Variants in OR1J2 observed in about 807,000 individuals in gnomAD.
The protein encoded by OR1J2 is olfactory receptor 1J2.
For synonymous variants in OR1J2, 142 were observed against 99.7 expected (o/e 1.42, Z -2.52); for missense variants, 304 against 246.1 (o/e 1.24, Z -1.57).
chr9:122,571,736 C>G, the OR1J2 span, among the ~76,000 whole-genome samples: 3 of 151,162 alleles, frequency 2.0e-5, no homozygotes, highest in Admixed American at 2.0e-4. Flanking sequence ...AAAAATTGAC[C>G]ATGCATGGTG....
the OR1J2 span, among the ~76,000 whole-genome samples, chr9:122,538,734 T>G: frequency 6.6e-6 from 1 of 152,236 alleles, no homozygotes; most frequent in Non-Finnish European, 1.5e-5. Flanking sequence ...AATGAAATCA[T>G]GTCCTTTGCA....
the OR1J2 span, among the ~76,000 whole-genome samples, chr9:122,454,501 G>A: frequency 6.6e-6 from 1 of 151,782 alleles, no homozygotes; most frequent in South Asian, 2.1e-4. Flanking sequence ...CTGGGTGACA[G>A]AGTGAGACTC....
At position 122,511,251 on chromosome 9, in the gene OR1J2, T is replaced by G. The variant is rs760091344; in HGVS notation, c.450T>G (p.Ile150Met). ...LCVFLVAVSW[I>M]LSCASSLSHT... ...TCTTCTTAGTGGCTGTATCTTGGAT[T>G]CTGTCTTGTGCCAGCTCCCTCTCTC... is the stretch of plus-strand genomic sequence containing the variant. The change falls in exon 1 of 1, where the codon ATT becomes ATG. Residue 150 changes from isoleucine (I) to methionine (M), a missense_variant. Ile to Met is a conservative substitution (Grantham distance 10, BLOSUM62 1). Coordinates refer to ENST00000335302, the MANE Select transcript of OR1J2 (RefSeq NM_054107.1). 1 of 757,550 alleles carries G rather than the reference T, an allele frequency of 1.3e-6. No individual in the cohort carries two copies. Among genetic ancestry groups the G allele is most frequent in the Non-Finnish European group, 2.5e-6 (1 of 407,848 alleles). 46.9% of individuals were successfully genotyped at this position (757,550 alleles called of 1,614,324 possible).
chr9:122,531,532 C>T, the OR1J2 span, among the ~76,000 whole-genome samples: 3 of 152,148 alleles, frequency 2.0e-5, no homozygotes, highest in Non-Finnish European at 4.4e-5. Flanking sequence ...AGCGTCTATA[C>T]AGGAGCTCAA....
At chr9:122,510,712 T>C, upstream of OR1J2, 1 of 804,994 alleles carries the variant, frequency 1.2e-6, no homozygotes, top group Non-Finnish European at 2.0e-6. Flanking sequence ...TGTTAAAACG[T>C]ACATCTTTTA....
downstream of OR1J2, among the ~76,000 whole-genome samples, chr9:122,513,054 T>A (rs1046910158): frequency 6.6e-6 from 1 of 152,210 alleles, no homozygotes; most frequent in Non-Finnish European, 1.5e-5. Flanking sequence ...ATTGAACAAT[T>A]TTATGTTAAA....
the OR1J2 span, among the ~76,000 whole-genome samples, chr9:122,449,665 G>A: frequency 1.8e-3 from 272 of 152,232 alleles, no homozygotes; most frequent in African/African-American, 5.9e-3. Context: ...CACCGCGCCC[G>A]GCCTATGAGA....
chr9:122,577,327 C>G, the OR1J2 span, among the ~76,000 whole-genome samples: 1 of 152,150 alleles, frequency 6.6e-6, no homozygotes, highest in Non-Finnish European at 1.5e-5. Flanking sequence ...TGTAGGCAGA[C>G]TTCAAATTTA....
At chr9:122,515,703 A>G (rs1564184987), downstream of OR1J2, among the ~76,000 whole-genome samples, 1 of 152,156 alleles carries the variant, frequency 6.6e-6, no homozygotes, top group Non-Finnish European at 1.5e-5. Flanking sequence ...CCCTTTAGAC[A>G]GCACAGCTAC....
the OR1J2 span, among the ~76,000 whole-genome samples, chr9:122,541,360 G>A: frequency 5.5e-4 from 83 of 152,276 alleles, no homozygotes; most frequent in Middle Eastern, 0.017. Flanking sequence ...CTCTCGACTT[G>A]AGAGTGAAAG....
chr9:122,533,292 A>G, the OR1J2 span, among the ~76,000 whole-genome samples: 1 of 152,194 alleles, frequency 6.6e-6, no homozygotes, highest in Non-Finnish European at 1.5e-5. Flanking sequence ...GGGAATTTTA[A>G]GGAGAGTTTA....
the OR1J2 span, among the ~76,000 whole-genome samples, chr9:122,454,381 G>A: frequency 0.018 from 2,670 of 152,120 alleles, 82 homozygotes; most frequent in African/African-American, 0.061. Context: ...AGTCAGGTGC[G>A]GTGGCATCTG....
At chr9:122,562,044 T>C in the OR1J2 span, among the ~76,000 whole-genome samples, 1 of 152,146 alleles carries the variant, frequency 6.6e-6, no homozygotes, top group Non-Finnish European at 1.5e-5. Context: ...CGGGAGTTGT[T>C]GGAGTTCCTG....
At chr9:122,545,609 A>G in the OR1J2 span, among the ~76,000 whole-genome samples, 61 of 152,036 alleles carry the variant, frequency 4.0e-4, no homozygotes, top group African/African-American at 1.4e-3. Flanking sequence ...TGAAGTCTAT[A>G]TTGTCTAATT....
the OR1J2 span, among the ~76,000 whole-genome samples, chr9:122,525,962 A>G: frequency 6.6e-6 from 1 of 152,222 alleles, no homozygotes; most frequent in East Asian, 1.9e-4. Context: ...TGTCTTGCTC[A>G]GTGTCATAAC....
chr9:122,497,728 G>T, the OR1J2 span, among the ~76,000 whole-genome samples: 1 of 151,960 alleles, frequency 6.6e-6, no homozygotes, highest in Admixed American at 6.6e-5. Flanking sequence ...GTTTGTTCTT[G>T]TTTTTCTAGT....
the OR1J2 span, among the ~76,000 whole-genome samples, chr9:122,478,881 G>A: frequency 6.6e-6 from 1 of 151,864 alleles, no homozygotes; most frequent in Non-Finnish European, 1.5e-5. Context: ...CTGGGTTCAA[G>A]CGATTCTTCC....
At chr9:122,542,128 G>A in the OR1J2 span, among the ~76,000 whole-genome samples, 11 of 152,258 alleles carry the variant, frequency 7.2e-5, no homozygotes, top group African/African-American at 2.6e-4. Context: ...CATTACATCT[G>A]TCAGACTCAA....
the OR1J2 span, among the ~76,000 whole-genome samples, chr9:122,557,926 T>C: frequency 1.3e-5 from 2 of 152,038 alleles, no homozygotes; most frequent in East Asian, 1.9e-4. Context: ...TCTTCTTGTA[T>C]GGGTTTTAGT....
Sources: allele counts gnomAD v4.1 joint callset (sites outside exome capture counted in the v4.1 genomes callset), GRCh38; gene constraint gnomAD v4.1.1; transcripts MANE v1.5; gene names NCBI Gene and HGNC (gene_info 2026-07-23, HGNC 2026-07-21).